Variants in SHANK2 observed in about 807,000 individuals in gnomAD.
SHANK2 encodes the protein SH3 and multiple ankyrin repeat domains 2.
A neutral mutation model predicts 133.7 loss-of-function variants in SHANK2; 43 were observed. The ratio of observed to expected loss-of-function variants is 0.32; its 90% CI spans 0.25 to 0.41. The LOEUF (loss-of-function observed/expected upper bound fraction) is 0.41, where lower values mean the gene tolerates loss of function less well. SHANK2 is among the 10% of genes least tolerant of loss of function. The probability of loss-of-function intolerance (pLI) is 1.00; values close to 1 mark genes in which losing one functional copy is unlikely to be tolerated. For missense variants in SHANK2, 1,994 were observed against 2,235.8 expected, an observed-to-expected ratio of 0.89 and a Z score of 2.18; for synonymous variants, 1,017 against 952.8, an observed-to-expected ratio of 1.07 and a Z score of -1.24.
rs116256323 is a variant in SHANK2 at position 70,543,345 on chromosome 11, G to A, written c.2062-40414C>T. Among the ~76,000 whole-genome samples, 1,109 of 152,254 alleles carry A rather than the reference G, an allele frequency of 7.3e-3. 13 individuals carry two copies. The highest frequency in any genetic ancestry group is 0.025 in the African/African-American group (1,019 of 41,536). The stretch of plus-strand genomic sequence containing the variant: ...CCTAGATAGCTTCAGAATGGGGGCT[G>A]GTTACCAAAAGAACCAATCCCAAGA... On this transcript the variant is annotated intron_variant, in intron 17 of 25. Coordinates refer to ENST00000601538, the MANE Select transcript of SHANK2 (RefSeq NM_012309.5).
intron 15 of SHANK2, among the ~76,000 whole-genome samples, chr11:70,693,385 C>T (rs1475209008): frequency 1.3e-5 from 2 of 152,214 alleles, no homozygotes; most frequent in African/African-American, 4.8e-5. Flanking sequence ...CGAATCTTCT[C>T]ATCACCCCAG....
At position 70,489,744 on chromosome 11, in the gene SHANK2, C is replaced by A. The variant is rs1464112276; in HGVS notation, c.2552-396G>T. ...TGTCTCAAGGTCAAGTGTACCTTTG[C>A]CTGCAACAGGGTCAATAGGAATAAT... On this transcript the variant is annotated intron_variant, in intron 23 of 25. Coordinates refer to ENST00000601538, the MANE Select transcript of SHANK2 (RefSeq NM_012309.5). 4 of 309,294 alleles carry A rather than the reference C, an allele frequency of 1.3e-5. No individual in the cohort carries two copies. The South Asian group carries it at 1.6e-4, about 12-fold the overall frequency. The allele number at this position is 309,294 out of a possible 1,614,324, so 19.2% of individuals were successfully genotyped here. A position where few individuals can be genotyped will look rare whatever the true frequency, so the allele number is the denominator to read the frequency against.
intron 22 of SHANK2, 85 bp downstream of exon 22, chr11:70,492,250 G>T: frequency 6.3e-7 from 1 of 1,576,116 alleles, no homozygotes; most frequent in Non-Finnish European, 8.6e-7. Context: ...ATGAAAGCGT[G>T]TGCACCTCAG....
At chr11:71,066,148 TG>T (rs1375268040) in intron 9 of SHANK2, among the ~76,000 whole-genome samples, 2 of 1,780 alleles carry the variant, frequency 1.1e-3, no homozygotes, top group Non-Finnish European at 2.1e-3. Context: ...GGAAGTTGGG[TG>T]GGGGGGGTGC....
chr11:70,612,117 C>G (rs1055375256), intron 17 of SHANK2, among the ~76,000 whole-genome samples: 1 of 152,222 alleles, frequency 6.6e-6, no homozygotes, highest in South Asian at 2.1e-4. Flanking sequence ...AAGTTGCCTG[C>G]GACTCCTGCC....
chr11:71,136,135 T>C (rs10897639), intron 3 of SHANK2, among the ~76,000 whole-genome samples: 19,670 of 151,988 alleles, frequency 0.13, 3,324 homozygotes, highest in African/African-American at 0.4. Context: ...TGGGAATGGA[T>C]CCACAAGATG....
chr11:71,200,540 C>T (rs1953998249), intron 2 of SHANK2, among the ~76,000 whole-genome samples: 1 of 152,112 alleles, frequency 6.6e-6, no homozygotes, highest in African/African-American at 2.4e-5. Flanking sequence ...CATTTGACTT[C>T]ACTCTACATT....
intron 6 of SHANK2, among the ~76,000 whole-genome samples, chr11:71,106,784 G>A (rs1273988771): frequency 6.6e-6 from 1 of 151,336 alleles, no homozygotes; most frequent in Non-Finnish European, 1.5e-5. Flanking sequence ...CTGCCAGCCT[G>A]GGTGACACAG....
At chr11:70,820,326 T>C in intron 12 of SHANK2, 38 bp downstream of exon 12, 1 of 598,810 alleles carries the variant, frequency 1.7e-6, no homozygotes, top group South Asian at 2.1e-5. Context: ...CCCCAGCACG[T>C]GGCGGTCTTC....
At position 70,611,102 on chromosome 11, in the gene SHANK2, C is replaced by T. The variant is rs1468965576; in HGVS notation, c.2061+48726G>A. On this transcript the variant is annotated intron_variant, in intron 17 of 25. Transcript: ENST00000601538. ...CAAAATCTCCACAACCCAAGAATTGCCTTTTCACATGTGAAGCCAACGCTT... is the reference window on the plus strand; with the variant it reads ...CAAAATCTCCACAACCCAAGAATTGTCTTTTCACATGTGAAGCCAACGCTT... 3.3e-5 allele frequency among the ~76,000 whole-genome samples: 5 copies of T among 152,308 alleles called. No homozygotes were observed. The East Asian group carries it at 9.6e-4, about 29-fold the overall frequency.
At chr11:70,773,656 T>C (rs868943913) in intron 14 of SHANK2, among the ~76,000 whole-genome samples, 2 of 152,230 alleles carry the variant, frequency 1.3e-5, no homozygotes, top group Non-Finnish European at 1.5e-5. Context: ...TATAATAAAG[T>C]ATTAGTTTAA....
chr11:70,726,911 A>T (rs1946191730), intron 14 of SHANK2, among the ~76,000 whole-genome samples: 1 of 152,248 alleles, frequency 6.6e-6, no homozygotes, highest in Admixed American at 6.5e-5. Flanking sequence ...CTAAAGGATG[A>T]GACCCAGATG....
chr11:70,899,735 G>T lies in SHANK2; in HGVS notation c.1108-3168C>A, dbSNP rs138024539. On this transcript the variant is annotated intron_variant, in intron 10 of 25. Coordinates refer to ENST00000601538, the MANE Select transcript of SHANK2 (RefSeq NM_012309.5). The stretch of plus-strand genomic sequence containing the variant: ...CATGTCCTTCTCCAGGTCCCTGATG[G>T]TTGTGCTGGCTCAGGATGGCACTAG... Among the ~76,000 whole-genome samples the T allele has an allele frequency of 4.3e-3, 656 of 152,326 alleles. 8 individuals carry two copies. Among genetic ancestry groups the T allele is most frequent in the African/African-American group, 0.015 (636 of 41,576 alleles).
intron 25 of SHANK2, among the ~76,000 whole-genome samples, chr11:70,480,505 T>C (rs1244663749): frequency 6.6e-6 from 1 of 152,230 alleles, no homozygotes; most frequent in Non-Finnish European, 1.5e-5. Flanking sequence ...TTGTGGCTCC[T>C]TTGTGGCATT....
At chr11:70,819,920 C>G (rs1213201632) in intron 12 of SHANK2, among the ~76,000 whole-genome samples, 1 of 152,204 alleles carries the variant, frequency 6.6e-6, no homozygotes, top group Non-Finnish European at 1.5e-5. Flanking sequence ...CCCACGTGTG[C>G]ACCCTCAATT....
chr11:70,844,987 T>C (rs1176917650), intron 11 of SHANK2, among the ~76,000 whole-genome samples: 1 of 150,702 alleles, frequency 6.6e-6, no homozygotes, highest in Non-Finnish European at 1.5e-5. Flanking sequence ...GATCACGAGG[T>C]TAGGAATTCA....
At chr11:70,670,690 G>T (rs550874358) in intron 15 of SHANK2, among the ~76,000 whole-genome samples, 15 of 152,364 alleles carry the variant, frequency 9.8e-5, no homozygotes, top group Admixed American at 7.2e-4. Context: ...TGCCCTTCCT[G>T]CATAACTCAC....
At chr11:70,848,892 A>T (rs1003347769) in intron 11 of SHANK2, among the ~76,000 whole-genome samples, 23 of 152,186 alleles carry the variant, frequency 1.5e-4, no homozygotes, top group African/African-American at 5.6e-4. Flanking sequence ...AGGAATGTCA[A>T]CAAGTGCATG....
At chr11:71,168,648 C>A (rs1953241466) in intron 2 of SHANK2, among the ~76,000 whole-genome samples, 1 of 152,184 alleles carries the variant, frequency 6.6e-6, no homozygotes, top group Non-Finnish European at 1.5e-5. Context: ...CACAGCGAAA[C>A]CCTGTCTCCA....
Sources: gnomAD v4.1 joint callset for allele counts (sites outside exome capture counted in the v4.1 genomes callset) on GRCh38, gnomAD v4.1.1 for gene constraint, MANE v1.5 for transcripts, NCBI Gene and HGNC (gene_info 2026-07-23, HGNC 2026-07-21) for gene names.